DNER: variants seen among roughly 807,000 people sequenced by gnomAD.
DNER encodes delta/notch like EGF repeat containing.
Under a neutral mutation model 78.2 loss-of-function variants are expected in DNER, and 33 were observed. The observed-to-expected ratio is 0.42, with a 90% CI of 0.32 to 0.56. The LOEUF (loss-of-function observed/expected upper bound fraction) is 0.56, where lower values mean the gene tolerates loss of function less well. DNER is among the 20% of genes least tolerant of loss of function. The pLI is 0.11. For synonymous variants in DNER, 417 were observed against 384.8 expected, an observed-to-expected ratio of 1.08 and a Z score of -0.98; for missense variants, 918 against 975.3, an observed-to-expected ratio of 0.94 and a Z score of 0.78.
intron 5 of DNER, among the ~76,000 whole-genome samples, chr2:229,523,356 A>G (rs1214052332): frequency 2.0e-5 from 3 of 152,116 alleles, no homozygotes; most frequent in African/African-American, 4.8e-5. Flanking sequence ...TTTCTTTCTC[A>G]TCGCTCTGGA....
intron 6 of DNER, among the ~76,000 whole-genome samples, chr2:229,505,742 C>A (rs1270678476): frequency 1.3e-5 from 2 of 152,094 alleles, no homozygotes; most frequent in Admixed American, 6.5e-5. Context: ...TTTCAAGAAC[C>A]TCAGAAAATA....
chr2:229,452,138 T>A (rs1694471090), intron 7 of DNER, among the ~76,000 whole-genome samples: 1 of 152,210 alleles, frequency 6.6e-6, no homozygotes, highest in Non-Finnish European at 1.5e-5. Flanking sequence ...TTTTCATTAT[T>A]TATATCTCTA....
At chr2:229,578,072 C>T (rs996683700) in intron 4 of DNER, among the ~76,000 whole-genome samples, 4 of 152,166 alleles carry the variant, frequency 2.6e-5, no homozygotes, top group East Asian at 3.8e-4. Context: ...AAAAGAGACA[C>T]GCAGACCCTC....
At chr2:229,496,462 A>G (rs1477186846) in intron 6 of DNER, among the ~76,000 whole-genome samples, 2 of 152,180 alleles carry the variant, frequency 1.3e-5, no homozygotes, top group South Asian at 2.1e-4. Context: ...CCTATCAATA[A>G]TTATTTTGAA....
At chr2:229,458,513 G>A (rs1162252517) in intron 7 of DNER, among the ~76,000 whole-genome samples, 2 of 151,814 alleles carry the variant, frequency 1.3e-5, no homozygotes, top group Admixed American at 1.3e-4. Context: ...CATGAAATAA[G>A]TCATTTTAAT....
intron 4 of DNER, among the ~76,000 whole-genome samples, chr2:229,554,733 G>A (rs950062972): frequency 6.6e-5 from 10 of 151,402 alleles, no homozygotes; most frequent in Non-Finnish European, 1.2e-4. Flanking sequence ...GGGCGTGATG[G>A]CACACACACC....
chr2:229,578,886 T>A (rs1274530515), intron 4 of DNER, among the ~76,000 whole-genome samples: 2 of 152,164 alleles, frequency 1.3e-5, no homozygotes, highest in East Asian at 1.9e-4. Flanking sequence ...GACTAGAAGA[T>A]CCCTCTTTTT....
chr2:229,515,444 T>A (rs983153309), intron 5 of DNER, among the ~76,000 whole-genome samples: 3 of 152,212 alleles, frequency 2.0e-5, no homozygotes, highest in African/African-American at 7.2e-5. Flanking sequence ...AATTACTATA[T>A]GTCATTGGTC....
Position 229,442,977 on chromosome 2 carries a change from T to C in DNER, c.1486+4339A>G, listed in dbSNP as rs570066014. ...CCTATTATATATCTGGATGATCTAA[T>C]TGAGTTACCAGCCCTTTGGTGAAGA... is the stretch of plus-strand genomic sequence containing the variant. On this transcript the variant is annotated intron_variant, in intron 8 of 12. Coordinates refer to ENST00000341772, the MANE Select transcript of DNER (RefSeq NM_139072.4). Among the ~76,000 whole-genome samples the C allele has an allele frequency of 1.4e-4, 21 of 152,346 alleles. No homozygotes were observed. In the South Asian group the frequency reaches 2.1e-3, roughly 15 times the overall value.
At chr2:229,652,053 A>G (rs150682826) in intron 1 of DNER, among the ~76,000 whole-genome samples, 13 of 152,342 alleles carry the variant, frequency 8.5e-5, no homozygotes, top group African/African-American at 3.1e-4. Flanking sequence ...CATTTCAAAA[A>G]AAGGAAAACT....
intron 1 of DNER, among the ~76,000 whole-genome samples, chr2:229,596,004 T>A (rs961157719): frequency 6.6e-6 from 1 of 152,094 alleles, no homozygotes; most frequent in Non-Finnish European, 1.5e-5. Context: ...TTCTAAAATA[T>A]CCATCATCTT....
intron 4 of DNER, among the ~76,000 whole-genome samples, chr2:229,575,704 GA>G (rs769714221): frequency 1.3e-5 from 2 of 152,168 alleles, no homozygotes; most frequent in Non-Finnish European, 2.9e-5. Context: ...CAGCTCCAGG[GA>G]CAGACGTATC....
At position 229,710,243 on chromosome 2, in the gene DNER, T is replaced by C. The variant is rs114935310; in HGVS notation, c.276+3905A>G. On this transcript the variant is annotated intron_variant, in intron 1 of 12. Transcript: ENST00000341772. ...TTTAGAGCAAGACTGGACTCAGAAA[T>C]TTCTTTATCCCCTTTTTAATGATAA... 9.2e-3 allele frequency among the ~76,000 whole-genome samples: 1,400 copies of C among 152,254 alleles called. 23 individuals carry two copies. The highest frequency in any genetic ancestry group is 0.032 in the African/African-American group (1,329 of 41,540).
chr2:229,378,616 A>G (rs1692663248), intron 11 of DNER, among the ~76,000 whole-genome samples: 1 of 152,196 alleles, frequency 6.6e-6, no homozygotes, highest in East Asian at 1.9e-4. Flanking sequence ...TATGTGGGCC[A>G]TGGTTCTCTG....
intron 5 of DNER, among the ~76,000 whole-genome samples, chr2:229,535,855 G>A (rs969172131): frequency 6.6e-6 from 1 of 152,098 alleles, no homozygotes; most frequent in Non-Finnish European, 1.5e-5. Flanking sequence ...TGTTGGCCAG[G>A]CTGTTCTCAA....
At chr2:229,610,516 G>T (rs937796478) in intron 1 of DNER, among the ~76,000 whole-genome samples, 1 of 152,178 alleles carries the variant, frequency 6.6e-6, no homozygotes, top group African/African-American at 2.4e-5. Flanking sequence ...CATTTGCTCC[G>T]TTTGGCAATG....
chr2:229,668,522 GTGTGTGTGTGTGTGTATATATATA>G (rs1224595563), intron 1 of DNER, among the ~76,000 whole-genome samples: 6,540 of 89,266 alleles, frequency 0.073, 325 homozygotes, highest in South Asian at 0.093. Flanking sequence ...AAGTATGTGT[GTGTGTGTGTGTGTGTATATATATA>G]TATATATATA....
chr2:229,675,587 G>A (rs532294493), intron 1 of DNER, among the ~76,000 whole-genome samples: 12 of 152,222 alleles, frequency 7.9e-5, no homozygotes, highest in African/African-American at 2.4e-4. Flanking sequence ...GTGTGTCCCT[G>A]GAGGCTAATC....
intron 1 of DNER, among the ~76,000 whole-genome samples, chr2:229,599,880 G>C (rs17621252): frequency 0.039 from 5,915 of 152,196 alleles, 176 homozygotes; most frequent in East Asian, 0.13. Context: ...GTATTTATTT[G>C]TATGTATATT....
Sources: allele counts gnomAD v4.1 joint callset (sites outside exome capture counted in the v4.1 genomes callset), GRCh38; gene constraint gnomAD v4.1.1; transcripts MANE v1.5; gene names NCBI Gene and HGNC (gene_info 2026-07-23, HGNC 2026-07-21).